Variants in RABGAP1L observed in about 807,000 individuals in gnomAD.
The protein encoded by RABGAP1L is RAB GTPase activating protein 1 like.
RABGAP1L carries 63 observed loss-of-function variants against 137.7 expected under a neutral mutation model. The ratio of observed to expected loss-of-function variants is 0.46; its 90% CI spans 0.37 to 0.56. RABGAP1L has a LOEUF of 0.56. Among genes scored for constraint, RABGAP1L ranks in the 20% least tolerant of loss-of-function variants. The pLI is 0.00. For missense variants in RABGAP1L, 1,095 were observed against 1,244.0 expected, an observed-to-expected ratio of 0.88 and a Z score of 1.80; for synonymous variants, 431 against 433.7, an observed-to-expected ratio of 0.99 and a Z score of 0.08.
chr1:174,787,440 G>A (rs1038482899), intron 18 of RABGAP1L, among the ~76,000 whole-genome samples: 1 of 151,104 alleles, frequency 6.6e-6, no homozygotes, highest in African/African-American at 2.4e-5. Context: ...AGTGACATCT[G>A]ACTCTTGAAA....
intron 24 of RABGAP1L, 101 bp from the exon 25 acceptor site, chr1:174,988,539 TC>T (rs1346038919): frequency 7.6e-5 from 80 of 1,056,014 alleles, no homozygotes; most frequent in Non-Finnish European, 9.3e-5. Context: ...TGGGCCTGCA[TC>T]TATGACAATA....
chr1:174,389,947 T>A (rs1467276479), intron 12 of RABGAP1L, among the ~76,000 whole-genome samples: 1 of 152,190 alleles, frequency 6.6e-6, no homozygotes, highest in Non-Finnish European at 1.5e-5. Context: ...TAGTTGCCTA[T>A]TTTCAAGTTC....
At chr1:174,651,992 T>C (rs527641247) in intron 14 of RABGAP1L, among the ~76,000 whole-genome samples, 141 of 152,312 alleles carry the variant, frequency 9.3e-4, no homozygotes, top group African/African-American at 3.1e-3. Context: ...CCTTTCCATG[T>C]TTAGCGCTTC....
intron 12 of RABGAP1L, among the ~76,000 whole-genome samples, chr1:174,376,072 A>G (rs1332773928): frequency 2.0e-5 from 3 of 151,822 alleles, no homozygotes; most frequent in African/African-American, 4.8e-5. Context: ...TCAGAAAATA[A>G]AGTAGAGTAA....
chr1:174,409,854 C>G (rs778781747), intron 13 of RABGAP1L, among the ~76,000 whole-genome samples: 4 of 152,170 alleles, frequency 2.6e-5, no homozygotes, highest in Non-Finnish European at 4.4e-5. Context: ...TCTCTGCTCT[C>G]GAACCCTGTT....
chr1:174,628,323 C>T (rs994893704), intron 13 of RABGAP1L, among the ~76,000 whole-genome samples: 2 of 152,010 alleles, frequency 1.3e-5, no homozygotes, highest in Admixed American at 6.6e-5. Flanking sequence ...CATAATGTAA[C>T]AGAAAACAGT....
At chr1:174,483,969 T>C (rs1471216213) in intron 13 of RABGAP1L, among the ~76,000 whole-genome samples, 2 of 152,230 alleles carry the variant, frequency 1.3e-5, no homozygotes, top group African/African-American at 4.8e-5. Context: ...TTTAGTTTTT[T>C]GAGGAGCCTC....
chr1:174,561,240 G>T (rs534194013), intron 13 of RABGAP1L, among the ~76,000 whole-genome samples: 1 of 152,248 alleles, frequency 6.6e-6, no homozygotes, highest in South Asian at 2.1e-4. Context: ...GCCAAATCAT[G>T]AGTGAACTCC....
intron 10 of RABGAP1L, among the ~76,000 whole-genome samples, chr1:174,279,606 G>A (rs1303167537): frequency 6.6e-6 from 1 of 151,808 alleles, no homozygotes; most frequent in Non-Finnish European, 1.5e-5. Context: ...GGCGCATCTC[G>A]GCTTTATATA....
intron 13 of RABGAP1L, among the ~76,000 whole-genome samples, chr1:174,580,443 A>G (rs1415812741): frequency 2.0e-5 from 3 of 152,356 alleles, no homozygotes; most frequent in Non-Finnish European, 2.9e-5. Flanking sequence ...ATGGAATACT[A>G]TGCAGCCATA....
chr1:174,866,112 AG>A (rs1651173790), intron 19 of RABGAP1L, among the ~76,000 whole-genome samples: 1 of 4,274 alleles, frequency 2.3e-4, no homozygotes, highest in African/African-American at 1.4e-3. Flanking sequence ...AGGGAGGGGG[AG>A]AGAGAGAGAG....
chr1:174,811,616 C>T (rs1352140125), intron 18 of RABGAP1L, among the ~76,000 whole-genome samples: 1 of 152,090 alleles, frequency 6.6e-6, no homozygotes, highest in Admixed American at 6.6e-5. Context: ...TGTTCATTAA[C>T]TCTTAGATTG....
chr1:174,358,555 C>T (rs1173587614), intron 11 of RABGAP1L, among the ~76,000 whole-genome samples: 3 of 152,182 alleles, frequency 2.0e-5, no homozygotes, highest in Non-Finnish European at 1.5e-5. Context: ...GACACTTTCA[C>T]ATCTTTCTGA....
In RABGAP1L at chr1:174,666,372, T is replaced by C. The variant is rs150003074; in HGVS notation, c.1825-17150T>C. Among the ~76,000 whole-genome samples the C allele has an allele frequency of 4.9e-4, 75 of 152,358 alleles. No individual in the cohort carries two copies. In the East Asian group the frequency reaches 0.014, roughly 29 times the overall value. The stretch of plus-strand genomic sequence containing the variant: ...AGTAAAAAGGAGGTCTGTGTTAGTG[T>C]TGTCTCTTCTCAGCGTTGCTATTCA... On this transcript the variant is annotated intron_variant, in intron 14 of 25. Coordinates refer to ENST00000681986, the MANE Select transcript of RABGAP1L (RefSeq NM_001366446.1).
chr1:174,985,974 T>A (rs1308589368), intron 24 of RABGAP1L, among the ~76,000 whole-genome samples: 1 of 152,026 alleles, frequency 6.6e-6, no homozygotes, highest in Non-Finnish European at 1.5e-5. Flanking sequence ...GGTCTCGCCC[T>A]GTCGCCCAGG....
intron 11 of RABGAP1L, among the ~76,000 whole-genome samples, chr1:174,368,991 T>C (rs536797706): frequency 1.3e-5 from 2 of 152,314 alleles, no homozygotes; most frequent in African/African-American, 2.4e-5. Flanking sequence ...TAATTTGGCA[T>C]GTACAACATA....
chr1:174,365,010 CAG>C (rs529966720), intron 11 of RABGAP1L, among the ~76,000 whole-genome samples: 37 of 152,312 alleles, frequency 2.4e-4, no homozygotes, highest in African/African-American at 7.5e-4. Context: ...AGATGCAAGA[CAG>C]AGTCCTCTTT....
At chr1:174,859,705 A>AG (rs1349708390) in intron 19 of RABGAP1L, among the ~76,000 whole-genome samples, 1 of 152,022 alleles carries the variant, frequency 6.6e-6, no homozygotes, top group Non-Finnish European at 1.5e-5. Flanking sequence ...AGAGGGTAGG[A>AG]GGGAGAGGAT....
chr1:174,280,071 GA>G (rs1675378449), intron 10 of RABGAP1L, among the ~76,000 whole-genome samples: 1 of 151,596 alleles, frequency 6.6e-6, no homozygotes, highest in African/African-American at 2.4e-5. Flanking sequence ...GAGAGAGAGA[GA>G]GAGAGAGAGA....
Sources: allele counts gnomAD v4.1 joint callset (sites outside exome capture counted in the v4.1 genomes callset), GRCh38; gene constraint gnomAD v4.1.1; transcripts MANE v1.5; gene names NCBI Gene and HGNC (gene_info 2026-07-23, HGNC 2026-07-21).